Variants in CACNB2 observed in about 807,000 individuals in gnomAD.
CACNB2 encodes the protein voltage-dependent L-type calcium channel subunit beta-2.
A neutral mutation model predicts 73.3 loss-of-function variants in CACNB2; 42 were observed. The ratio of observed to expected loss-of-function variants is 0.57; its 90% CI spans 0.45 to 0.74. The LOEUF is 0.74. Among genes scored for constraint, CACNB2 ranks in the 30% least tolerant of loss-of-function variants. The probability of loss-of-function intolerance (pLI) is 0.00; values close to 1 mark genes in which losing one functional copy is unlikely to be tolerated. For missense variants in CACNB2, 940 were observed against 853.0 expected (o/e 1.10, Z -1.27); for synonymous variants, 348 against 310.3 (o/e 1.12, Z -1.28).
intron 3 of CACNB2, among the ~76,000 whole-genome samples, chr10:18,475,277 C>A (rs1220954961): frequency 6.6e-6 from 1 of 151,934 alleles, no homozygotes; most frequent in African/African-American, 2.4e-5. Context: ...TGGCCACTGG[C>A]GATTAAGTCA....
intron 2 of CACNB2, among the ~76,000 whole-genome samples, chr10:18,387,757 T>C (rs983368725): frequency 1.3e-5 from 2 of 150,568 alleles, no homozygotes; most frequent in Admixed American, 1.3e-4. Flanking sequence ...CATTTCTTTC[T>C]CTCTTTTTTT....
At chr10:18,533,510 C>T (rs1291530289) in intron 10 of CACNB2, among the ~76,000 whole-genome samples, 1 of 152,060 alleles carries the variant, frequency 6.6e-6, no homozygotes, top group Non-Finnish European at 1.5e-5. Context: ...TGAAAACTGC[C>T]CTTTTAAAAC....
At chr10:18,513,569 TTGCAAGTTGTCTCCAC>T (rs2050983783) in intron 6 of CACNB2, 1 of 387,704 alleles carries the variant, frequency 2.6e-6, no homozygotes, top group South Asian at 2.1e-5. Flanking sequence ...ATTGTTGATA[TTGCAAGTTGTCTCCAC>T]TGCTTTACGA....
At chr10:18,234,126 C>T (rs182861015) in intron 2 of CACNB2, 5 of 152,402 alleles carry the variant, frequency 3.3e-5, no homozygotes, top group East Asian at 3.9e-4. Context: ...GACTGAGACA[C>T]GTTCTCTCAC....
At chr10:18,362,885 G>C (rs2042198836) in intron 2 of CACNB2, among the ~76,000 whole-genome samples, 1 of 150,978 alleles carries the variant, frequency 6.6e-6, no homozygotes, top group Non-Finnish European at 1.5e-5. Flanking sequence ...CTCCAGCGTG[G>C]GCGACAGAGT....
At chr10:18,243,007 C>CAAAAA (rs68136708) in intron 2 of CACNB2, among the ~76,000 whole-genome samples, 1 of 134,894 alleles carries the variant, frequency 7.4e-6, no homozygotes, top group African/African-American at 2.8e-5. Context: ...AAGACTGTCT[C>CAAAAA]AAAAAAAAAA....
chr10:18,410,343 C>T (rs1451595779), intron 3 of CACNB2, among the ~76,000 whole-genome samples: 2 of 152,076 alleles, frequency 1.3e-5, no homozygotes, highest in Admixed American at 6.6e-5. Flanking sequence ...ATGTTTTGTT[C>T]CCAGTAGTTT....
At chr10:18,334,544 C>T (rs937554176) in intron 2 of CACNB2, among the ~76,000 whole-genome samples, 5 of 152,128 alleles carry the variant, frequency 3.3e-5, no homozygotes, top group African/African-American at 1.2e-4. Flanking sequence ...ATAAAGGGCA[C>T]CTTCATTTCT....
In CACNB2 at chr10:18,147,431, A is replaced by G. The variant is rs148862345; in HGVS notation, c.121-3452A>G. ...GGTGACATAATTTGTTTTAAGCTTC[A>G]TATAGCTAATAGCAATTAGTGGAAA... On this transcript the variant is annotated intron_variant, in intron 1 of 13. Coordinates refer to ENST00000324631, the MANE Select transcript of CACNB2 (RefSeq NM_201596.3). 5.1e-3 allele frequency among the ~76,000 whole-genome samples: 780 copies of G among 151,968 alleles called. 6 individuals are homozygous for G. Among genetic ancestry groups the G allele is most frequent in the African/African-American group, 0.018 (732 of 41,454 alleles).
At chr10:18,417,730 T>A (rs1314882820) in intron 3 of CACNB2, among the ~76,000 whole-genome samples, 1 of 152,138 alleles carries the variant, frequency 6.6e-6, no homozygotes, top group Non-Finnish European at 1.5e-5. Context: ...GAGATACAAA[T>A]GGAACGTACT....
At chr10:18,427,910 TC>T (rs1564536225) in intron 3 of CACNB2, among the ~76,000 whole-genome samples, 1 of 152,128 alleles carries the variant, frequency 6.6e-6, no homozygotes, top group Non-Finnish European at 1.5e-5. Flanking sequence ...TAAATTTGGT[TC>T]TAATTTCTTT....
intron 2 of CACNB2, among the ~76,000 whole-genome samples, chr10:18,236,303 G>T (rs1405143435): frequency 6.6e-6 from 1 of 152,184 alleles, no homozygotes; most frequent in Non-Finnish European, 1.5e-5. Flanking sequence ...ACAGAGGCAC[G>T]ATCGGCTGCT....
chr10:18,265,140 G>A (rs2037733437), intron 2 of CACNB2, among the ~76,000 whole-genome samples: 1 of 149,312 alleles, frequency 6.7e-6, no homozygotes, highest in Non-Finnish European at 1.5e-5. Flanking sequence ...TTGACCATTT[G>A]GCCATCTTCT....
At chr10:18,260,671 C>G (rs1173440381) in intron 2 of CACNB2, 2 of 988,780 alleles carry the variant, frequency 2.0e-6, no homozygotes, top group Admixed American at 1.2e-4. Flanking sequence ...TCAGATATGC[C>G]CAAAACGTTA....
intron 3 of CACNB2, among the ~76,000 whole-genome samples, chr10:18,462,250 C>CTGGT (rs2047621886): frequency 1.3e-5 from 2 of 152,128 alleles, no homozygotes; most frequent in African/African-American, 2.4e-5. Flanking sequence ...AATAGGAGCG[C>CTGGT]TGGTTGGTTG....
chr10:18,205,886 T>A (rs1286132299), intron 2 of CACNB2, among the ~76,000 whole-genome samples: 2 of 152,194 alleles, frequency 1.3e-5, no homozygotes, highest in Admixed American at 1.3e-4. Context: ...TGCTCCAATT[T>A]GCAAGGGTTC....
At chr10:18,492,336 C>A (rs71497251) in intron 3 of CACNB2, among the ~76,000 whole-genome samples, 19,589 of 152,100 alleles carry the variant, frequency 0.13, 1,540 homozygotes, top group Non-Finnish European at 0.18. Context: ...TATGGGAAAA[C>A]CTGGCCGGGC....
chr10:18,229,334 G>A (rs1259221715), intron 2 of CACNB2, among the ~76,000 whole-genome samples: 3 of 152,118 alleles, frequency 2.0e-5, no homozygotes, highest in Non-Finnish European at 4.4e-5. Context: ...TGAGGCAGAA[G>A]TTCAAAACTT....
chr10:18,258,185 C>T (rs887668135), intron 2 of CACNB2, among the ~76,000 whole-genome samples: 8 of 152,150 alleles, frequency 5.3e-5, no homozygotes, highest in Non-Finnish European at 1.2e-4. Flanking sequence ...TGCTTGGAAT[C>T]CTTTTGTGGA....
Sources: allele counts gnomAD v4.1 joint callset (sites outside exome capture counted in the v4.1 genomes callset), GRCh38; gene constraint gnomAD v4.1.1; transcripts MANE v1.5; gene names NCBI Gene and HGNC (gene_info 2026-07-23, HGNC 2026-07-21).